The following PTPRG variants were observed in gnomAD, a reference collection of about 807,000 sequenced individuals.
The protein encoded by PTPRG is receptor-type tyrosine-protein phosphatase gamma.
A neutral mutation model predicts 165.3 loss-of-function variants in PTPRG; 102 were observed. That is an observed-to-expected ratio of 0.62 (90% confidence interval 0.53 to 0.73). The LOEUF (loss-of-function observed/expected upper bound fraction) is 0.73, where lower values mean the gene tolerates loss of function less well. Ranked by LOEUF, PTPRG falls within the 30% of genes least tolerant of loss-of-function variation. The pLI is 0.00. For missense variants in PTPRG, 1,866 were observed against 1,861.4 expected (o/e 1.00, Z -0.05); for synonymous variants, 675 against 669.5 (o/e 1.01, Z -0.13).
intron 2 of PTPRG, among the ~76,000 whole-genome samples, chr3:61,788,945 G>A (rs561090060): frequency 7.2e-5 from 11 of 152,260 alleles, no homozygotes; most frequent in African/African-American, 2.2e-4. Flanking sequence ...CTCACTTTGG[G>A]ACTTAGTCAT....
chr3:61,597,160 T>C (rs1192427967), intron 1 of PTPRG, among the ~76,000 whole-genome samples: 1 of 152,174 alleles, frequency 6.6e-6, no homozygotes, highest in African/African-American at 2.4e-5. Flanking sequence ...CATTAATCCA[T>C]TCATGAGGGC....
intron 5 of PTPRG, among the ~76,000 whole-genome samples, chr3:62,101,064 TAATA>T (rs780259066): frequency 1.3e-5 from 2 of 152,262 alleles, no homozygotes; most frequent in Non-Finnish European, 2.9e-5. Flanking sequence ...TATTTGTTAA[TAATA>T]AATGATTGAG....
chr3:62,136,072 C>T (rs1040126765), intron 6 of PTPRG, among the ~76,000 whole-genome samples: 11 of 152,130 alleles, frequency 7.2e-5, no homozygotes, highest in African/African-American at 1.9e-4. Flanking sequence ...CAGGGGTGCA[C>T]GCTTAAGAGT....
intron 6 of PTPRG, among the ~76,000 whole-genome samples, chr3:62,135,227 T>G (rs1703662311): frequency 6.7e-6 from 1 of 148,518 alleles, no homozygotes; most frequent in Admixed American, 6.8e-5. Context: ...TGAGCCATGA[T>G]CATGCCAGCC....
intron 5 of PTPRG, among the ~76,000 whole-genome samples, chr3:62,127,031 TA>T (rs1160314241): frequency 2.0e-5 from 3 of 152,200 alleles, no homozygotes; most frequent in African/African-American, 7.2e-5. Context: ...TTGTGAAGAC[TA>T]AAAAGAAAAG....
At chr3:62,198,272 G>T (rs973093886) in intron 10 of PTPRG, among the ~76,000 whole-genome samples, 1 of 152,110 alleles carries the variant, frequency 6.6e-6, no homozygotes, top group Non-Finnish European at 1.5e-5. Context: ...GTGCAGTAGG[G>T]GTTATTTTAC....
At chr3:61,775,867 A>G (rs904259407) in intron 2 of PTPRG, among the ~76,000 whole-genome samples, 1 of 149,072 alleles carries the variant, frequency 6.7e-6, no homozygotes, top group Non-Finnish European at 1.5e-5. Context: ...TATAGGTGGG[A>G]ATTGAACAAT....
At chr3:61,660,276 A>G (rs1702621789) in intron 1 of PTPRG, among the ~76,000 whole-genome samples, 1 of 152,198 alleles carries the variant, frequency 6.6e-6, no homozygotes. Context: ...TGGAAACACT[A>G]AGGAGATGAA....
chr3:61,581,830 G>A (rs746541726), intron 1 of PTPRG, among the ~76,000 whole-genome samples: 6 of 151,736 alleles, frequency 4.0e-5, no homozygotes, highest in Non-Finnish European at 8.8e-5. Flanking sequence ...GGCTGGTCTC[G>A]AACTCCTGAC....
intron 2 of PTPRG, among the ~76,000 whole-genome samples, chr3:61,967,976 T>C (rs1273795672): frequency 6.6e-6 from 1 of 152,124 alleles, no homozygotes; most frequent in African/African-American, 2.4e-5. Flanking sequence ...AAAATTTTGG[T>C]CCTCTGGCGG....
At position 62,039,462 on chromosome 3, in the gene PTPRG, A is replaced by G. The variant is rs1312117895; in HGVS notation, c.519+35965A>G. Among the ~76,000 whole-genome samples, 17 of 152,144 alleles carry G rather than the reference A, an allele frequency of 1.1e-4. 1 individual carries two copies. Among genetic ancestry groups the G allele is most frequent in the Admixed American group, 1.1e-3 (17 of 15,276 alleles). On this transcript the variant is annotated intron_variant, in intron 4 of 29. Transcript: ENST00000474889. ...TAAAACTGTGGAAACAAGATGAGTA[A>G]TTACTACACGAAAGCACAGAATGTT...
intron 1 of PTPRG, among the ~76,000 whole-genome samples, chr3:61,736,065 G>C (rs532582527): frequency 6.6e-6 from 1 of 151,916 alleles, no homozygotes; most frequent in Non-Finnish European, 1.5e-5. Flanking sequence ...AGGCCACCAT[G>C]CCTGGCTAAT....
chr3:62,159,236 G>A (rs762386674), intron 7 of PTPRG, among the ~76,000 whole-genome samples: 13 of 151,956 alleles, frequency 8.6e-5, no homozygotes, highest in Non-Finnish European at 1.8e-4. Flanking sequence ...GAGGCTGAGG[G>A]GGGAGGATCA....
chr3:61,668,403 T>A (rs1186330819), intron 1 of PTPRG, among the ~76,000 whole-genome samples: 1 of 152,172 alleles, frequency 6.6e-6, no homozygotes, highest in African/African-American at 2.4e-5. Context: ...AAAGCCCGGC[T>A]TTAACTCTGC....
intron 4 of PTPRG, among the ~76,000 whole-genome samples, chr3:62,023,249 G>A (rs1047732589): frequency 6.6e-6 from 1 of 152,086 alleles, no homozygotes; most frequent in African/African-American, 2.4e-5. Flanking sequence ...TATTGTGGTT[G>A]TCTCCCACAT....
chr3:62,077,839 A>T (rs1054950833), intron 4 of PTPRG, among the ~76,000 whole-genome samples: 27 of 152,094 alleles, frequency 1.8e-4, no homozygotes, highest in African/African-American at 5.6e-4. Context: ...GCCCATCTCT[A>T]CAAAAATACA....
intron 4 of PTPRG, among the ~76,000 whole-genome samples, chr3:62,064,877 G>A (rs553020708): frequency 5.1e-4 from 77 of 151,900 alleles, no homozygotes; most frequent in Middle Eastern, 3.4e-3. Flanking sequence ...GATTACAGGC[G>A]CGTGCCACCA....
chr3:62,271,378 C>T lies in PTPRG; in HGVS notation c.3010-5C>T, dbSNP rs775740716. On this transcript the variant is annotated splice_polypyrimidine_tract_variant and splice_region_variant and intron_variant, in intron 20 of 29. Coordinates refer to ENST00000474889, the MANE Select transcript of PTPRG (RefSeq NM_002841.4). This position sits in a 1 kb window ranked among gnomAD's most constrained non-coding sequence, Gnocchi z 4.1. Reference sequence around the variant, plus strand: ...TAAAGACATCTTTTTTCACTTTTCTCACAGGGTCAGAAGGGAAATCCCAAG... The same window carrying T: ...TAAAGACATCTTTTTTCACTTTTCTTACAGGGTCAGAAGGGAAATCCCAAG... 1 of 1,585,258 alleles carries T rather than the reference C, an allele frequency of 6.3e-7. No individual in the cohort carries two copies. The highest frequency in any genetic ancestry group is 1.2e-5 in the South Asian group (1 of 85,996).
At chr3:61,817,082 AAT>A (rs2035796901) in intron 2 of PTPRG, among the ~76,000 whole-genome samples, 1 of 132,700 alleles carries the variant, frequency 7.5e-6, no homozygotes, top group South Asian at 2.2e-4. Context: ...TATTATATAT[AAT>A]ATATATTACA....
Sources: gnomAD v4.1 joint callset for allele counts (sites outside exome capture counted in the v4.1 genomes callset) on GRCh38, gnomAD v4.1.1 for gene constraint, Gnocchi (gnomAD v3.1) non-coding constraint, MANE v1.5 for transcripts, NCBI Gene and HGNC (gene_info 2026-07-23, HGNC 2026-07-21) for gene names.